Variants in PRPF6 observed in about 807,000 individuals in gnomAD.
PRPF6 encodes the protein pre-mRNA-processing factor 6.
In PRPF6, 42 loss-of-function variants were observed where a neutral mutation model predicts 118.3. The ratio of observed to expected loss-of-function variants is 0.35; its 90% confidence interval spans 0.28 to 0.46. The LOEUF is 0.46. Among genes scored for constraint, PRPF6 ranks in the 20% least tolerant of loss-of-function variants. The pLI is 1.00. For missense variants in PRPF6, 662 were observed against 1,255.7 expected, an observed-to-expected ratio of 0.53 and a Z score of 7.15; for synonymous variants, 481 against 485.1, an observed-to-expected ratio of 0.99 and a Z score of 0.11.
At chr20:63,982,404 T>G (rs1169403651) in intron 1 of PRPF6, among the ~76,000 whole-genome samples, 1 of 151,940 alleles carries the variant, frequency 6.6e-6, no homozygotes, top group Non-Finnish European at 1.5e-5. Context: ...ACTCCTGACC[T>G]CATGATCCAC....
At chr20:64,032,536 C>G (rs569335277) in intron 20 of PRPF6, among the ~76,000 whole-genome samples, 23 of 152,326 alleles carry the variant, frequency 1.5e-4, no homozygotes, top group African/African-American at 5.5e-4. Flanking sequence ...CCCACGTGAA[C>G]CCTAACTCCT....
intron 20 of PRPF6, among the ~76,000 whole-genome samples, chr20:64,032,507 C>T (rs775845541): frequency 7.9e-5 from 12 of 152,170 alleles, no homozygotes; most frequent in Non-Finnish European, 1.3e-4. Context: ...TCCTGGTCCT[C>T]CCTGGAAAGT....
intron 12 of PRPF6, among the ~76,000 whole-genome samples, chr20:64,020,606 A>G (rs1034902006): frequency 6.6e-6 from 1 of 152,042 alleles, no homozygotes; most frequent in Non-Finnish European, 1.5e-5. Flanking sequence ...TTTGTTGTTG[A>G]TGCTAACCAA....
chr20:64,028,216 C>G lies in PRPF6; in HGVS notation c.2340-262C>G, dbSNP rs1215515505. ...GCGGCCCTGGCTCTCCCAGTCTGGT[C>G]TTGTTTGTTCTGGATGCCTTCACCT... On this transcript the variant is annotated intron_variant, in intron 17 of 20. Coordinates refer to ENST00000266079, the MANE Select transcript of PRPF6 (RefSeq NM_012469.4). This position sits in a 1 kb window ranked among gnomAD's most constrained non-coding sequence, Gnocchi z 6.5. Among the ~76,000 whole-genome samples, 1 of 152,230 alleles carries G rather than the reference C, an allele frequency of 6.6e-6. No individual in the cohort carries two copies.
intron 9 of PRPF6, among the ~76,000 whole-genome samples, chr20:64,005,934 T>A (rs143970214): frequency 1.1e-3 from 173 of 152,204 alleles, no homozygotes; most frequent in African/African-American, 3.9e-3. Context: ...GAGGTCTCCC[T>A]GTGTCATCCA....
intron 3 of PRPF6, among the ~76,000 whole-genome samples, chr20:63,987,052 C>T (rs2059097327): frequency 6.6e-6 from 1 of 151,342 alleles, no homozygotes; most frequent in African/African-American, 2.4e-5. Context: ...CACCTGTAGT[C>T]CTAGCTACTC....
chr20:63,994,906 A>C lies in PRPF6; in HGVS notation c.439-10A>C. 6.2e-7 allele frequency: 1 copy of C among 1,614,194 alleles called. No homozygotes were observed. Among genetic ancestry groups the C allele is most frequent in the Non-Finnish European group, 8.5e-7 (1 of 1,180,036 alleles). Reference sequence around the variant, plus strand: ...GAGAATTAATGTTTTTGGGGGCTGGATATTTCCAGAGGAAGTTGGCAGAAG... The same window carrying C: ...GAGAATTAATGTTTTTGGGGGCTGGCTATTTCCAGAGGAAGTTGGCAGAAG... On this transcript the variant is annotated splice_polypyrimidine_tract_variant and intron_variant, in intron 4 of 20. Transcript: ENST00000266079.
At chr20:64,022,243 G>A (rs1342760839) in intron 12 of PRPF6, among the ~76,000 whole-genome samples, 2 of 152,208 alleles carry the variant, frequency 1.3e-5, no homozygotes, top group African/African-American at 2.4e-5. Flanking sequence ...TTGTAATGCT[G>A]GAGTAAGAAC....
At chr20:63,986,489 C>CTT (rs759745026) in intron 3 of PRPF6, among the ~76,000 whole-genome samples, 10 of 138,644 alleles carry the variant, frequency 7.2e-5, no homozygotes, top group Admixed American at 1.5e-4. Flanking sequence ...ACCATATGAT[C>CTT]TTTTTTTTTT....
intron 3 of PRPF6, 49 bp downstream of exon 3, chr20:63,985,074 A>T: frequency 6.5e-7 from 1 of 1,533,258 alleles, no homozygotes; most frequent in Non-Finnish European, 9.0e-7. Flanking sequence ...TTTAAAAAAA[A>T]GTTTTGTGGC....
At chr20:64,002,717 C>G (rs891497186) in intron 9 of PRPF6, among the ~76,000 whole-genome samples, 5 of 150,394 alleles carry the variant, frequency 3.3e-5, no homozygotes, top group African/African-American at 1.2e-4. Flanking sequence ...CATCTTGGCT[C>G]ACTGCAACCT....
Position 64,027,440 on chromosome 20 carries a change from GCACA to G in PRPF6, c.2206-161_2206-158del, listed in dbSNP as rs2059295900. Among the ~76,000 whole-genome samples, 1 of 152,166 alleles carries G rather than the reference GCACA, an allele frequency of 6.6e-6. No individual in the cohort carries two copies. Among genetic ancestry groups the G allele is most frequent in the Non-Finnish European group, 1.5e-5 (1 of 68,036 alleles). ...GTGTGCACAGGTCCACAGCACCACC[GCACA>G]CCTGTACACCCACAAATGCAGAGTG... is the stretch of plus-strand genomic sequence containing the variant. On this transcript the variant is annotated intron_variant, in intron 16 of 20. Transcript: ENST00000266079. This position sits in a 1 kb window ranked among gnomAD's most constrained non-coding sequence, Gnocchi z 6.5.
intron 7 of PRPF6, 80 bp downstream of exon 7, chr20:63,999,219 G>A (rs1019163538): frequency 6.6e-5 from 79 of 1,190,044 alleles, no homozygotes; most frequent in Middle Eastern, 1.9e-4. Flanking sequence ...TGGACAGTAT[G>A]CTGTCAAAAT....
chr20:64,009,279 CAAAAA>C (rs59045216), intron 9 of PRPF6, among the ~76,000 whole-genome samples: 3 of 38,222 alleles, frequency 7.8e-5, no homozygotes, highest in African/African-American at 1.9e-4. Flanking sequence ...GACTCCATCG[CAAAAA>C]AAAAAAAAAA....
At chr20:64,010,352 A>G in intron 10 of PRPF6, 34 bp downstream of exon 10, 1 of 1,547,832 alleles carries the variant, frequency 6.5e-7, no homozygotes, top group South Asian at 1.1e-5. Flanking sequence ...ACCAGAGCCC[A>G]AAGTGGCCAA....
chr20:64,019,877 C>T (rs2059255073), intron 12 of PRPF6, among the ~76,000 whole-genome samples: 1 of 152,222 alleles, frequency 6.6e-6, no homozygotes, highest in Non-Finnish European at 1.5e-5. Flanking sequence ...TCCTCGTCCT[C>T]CTGACCCATT....
chr20:63,986,212 G>A (rs2059092446), intron 3 of PRPF6, among the ~76,000 whole-genome samples: 1 of 151,742 alleles, frequency 6.6e-6, no homozygotes, highest in Non-Finnish European at 1.5e-5. Context: ...ATGGTGGGTG[G>A]TGTACGCCTA....
chr20:64,027,806 C>G lies in PRPF6; in HGVS notation c.2339+70C>G. On this transcript the variant is annotated intron_variant, in intron 17 of 20. Coordinates refer to ENST00000266079, the MANE Select transcript of PRPF6 (RefSeq NM_012469.4). The surrounding 1 kb of genome is among the most constrained non-coding windows in gnomAD (Gnocchi z 6.5). ...CATCAGGTGGGCCGCCGTCACCCAG[C>G]TGCTTGTGTGGAGTCACTCGTGCAG... 2 of 1,601,332 alleles carry G rather than the reference C, an allele frequency of 1.2e-6. No homozygotes were observed. Among genetic ancestry groups the G allele is most frequent in the Non-Finnish European group, 1.7e-6 (2 of 1,170,678 alleles).
Position 63,997,288 on chromosome 20 carries a change from C to CTT in PRPF6, c.772-1738_772-1737dup, listed in dbSNP as rs928046111. 6.2e-3 allele frequency among the ~76,000 whole-genome samples: 697 copies of CTT among 112,654 alleles called. 27 individuals carry two copies. Among genetic ancestry groups the CTT allele is most frequent in the African/African-American group, 0.011 (311 of 28,734 alleles). 73.9% of individuals were successfully genotyped at this position (112,654 alleles called of 152,430 possible). On this transcript the variant is annotated intron_variant, in intron 6 of 20. Coordinates refer to ENST00000266079, the MANE Select transcript of PRPF6 (RefSeq NM_012469.4). ...ATGGTGCAGCATGCGTCAGCATGTT[C>CTT]TTTTTTTTTTTTTTTTTTTTGAGAC...
Sources: allele counts gnomAD v4.1 joint callset (sites outside exome capture counted in the v4.1 genomes callset), GRCh38; gene constraint gnomAD v4.1.1; non-coding constraint Gnocchi (gnomAD v3.1); transcripts MANE v1.5; gene names NCBI Gene and HGNC (gene_info 2026-07-23, HGNC 2026-07-21).